The following LRRC71 variants were observed in gnomAD, a reference collection of about 807,000 sequenced individuals.
LRRC71 encodes the protein leucine rich repeat containing 71.
In LRRC71, 54 loss-of-function variants were observed where a neutral mutation model predicts 66.6. The ratio of observed to expected loss-of-function variants is 0.81; its 90% CI spans 0.65 to 1.02. The LOEUF is 1.02. Ranked by LOEUF, LRRC71 falls within the 50% of genes least tolerant of loss-of-function variation. LRRC71 has a pLI of 0.00. For missense variants in LRRC71, 724 were observed against 718.0 expected, an observed-to-expected ratio of 1.01 and a Z score of -0.10; for synonymous variants, 323 against 303.9, an observed-to-expected ratio of 1.06 and a Z score of -0.65.
intron 13 of LRRC71, 102 bp downstream of exon 13, chr1:156,932,129 C>G: frequency 1.0e-6 from 1 of 958,948 alleles, no homozygotes; most frequent in Non-Finnish European, 1.6e-6. Flanking sequence ...GCTGGTCCTC[C>G]CATCTTTGGG....
In LRRC71 at chr1:156,923,932, C is replaced by G; in HGVS notation, c.161-17C>G. On this transcript the variant is annotated splice_polypyrimidine_tract_variant and intron_variant, in intron 1 of 14. Coordinates refer to ENST00000337428, the MANE Select transcript of LRRC71 (RefSeq NM_144702.3). ...TGGGCGTGGCCCCTTCTCTCACGCC[C>G]CTGCCTGCCCCCGCAGAGGAGTACC... 2.0e-6 allele frequency: 3 copies of G among 1,464,592 alleles called. No individual in the cohort carries two copies. Among genetic ancestry groups the G allele is most frequent in the Non-Finnish European group, 1.8e-6 (2 of 1,103,348 alleles). 90.7% of individuals were successfully genotyped at this position (1,464,592 alleles called of 1,614,324 possible). A position where few individuals can be genotyped will look rare whatever the true frequency, so the allele number is the denominator to read the frequency against.
In LRRC71 at chr1:156,930,044, C is replaced by CTT. The variant is rs1553189668; in HGVS notation, c.1240+316_1240+317insTT. ...TCTTTTCTTTTCTTTTTCTTTCTTTCTCTTTCTTTCTTTCTTTTTCTTTCT... is the reference window on the plus strand; with the variant it reads ...TCTTTTCTTTTCTTTTTCTTTCTTTCTTTCTTTCTTTCTTTCTTTTTCTTTCT... On this transcript the variant is annotated intron_variant, in intron 11 of 14. Coordinates refer to ENST00000337428, the MANE Select transcript of LRRC71 (RefSeq NM_144702.3). Among the ~76,000 whole-genome samples, 98 of 127,960 alleles carry CTT rather than the reference C, an allele frequency of 7.7e-4. No individual in the cohort carries two copies. The East Asian group carries it at 0.016, about 21-fold the overall frequency. 83.9% of individuals were successfully genotyped at this position (127,960 alleles called of 152,430 possible).
Position 156,925,079 on chromosome 1 carries a change from C to G in LRRC71, c.593+64C>G, listed in dbSNP as rs991142290. On this transcript the variant is annotated intron_variant, in intron 5 of 14. Coordinates refer to ENST00000337428, the MANE Select transcript of LRRC71 (RefSeq NM_144702.3). ...GGCTGGGCGGGTGGTCAGAGGGGAG[C>G]AGTGTGGGGATGGAAGTGGCAGGTC... 4.0e-5 allele frequency: 59 copies of G among 1,477,758 alleles called. 2 individuals carry two copies. In the South Asian group the frequency reaches 4.6e-4, roughly 12 times the overall value. 91.5% of individuals were successfully genotyped at this position (1,477,758 alleles called of 1,614,324 possible).
chr1:156,936,480 GAA>G (rs35863393), downstream of LRRC71, among the ~76,000 whole-genome samples: 138 of 47,998 alleles, frequency 2.9e-3, 2 homozygotes, highest in African/African-American at 0.011. Context: ...CAAATAAATA[GAA>G]AAAAAAAAAA....
intron 9 of LRRC71, among the ~76,000 whole-genome samples, chr1:156,928,452 C>A (rs1319946956): frequency 6.4e-5 from 4 of 62,678 alleles, no homozygotes; most frequent in African/African-American, 2.0e-4. Flanking sequence ...TCCTCCTCCT[C>A]TTCTTCTCCT....
rs746059341 is a variant in LRRC71 at position 156,932,989 on chromosome 1, C to T, written c.*20C>T. 6 of 1,537,320 alleles carry T rather than the reference C, an allele frequency of 3.9e-6. No individual in the cohort carries two copies. Among genetic ancestry groups the T allele is most frequent in the Non-Finnish European group, 5.3e-6 (6 of 1,134,738 alleles). Reference sequence around the variant, plus strand: ...CCCTAGCCCCCTCCCACCTGCTTGCCTCTAAGACTCGGGGCTACAGAAGCA... The same window carrying T: ...CCCTAGCCCCCTCCCACCTGCTTGCTTCTAAGACTCGGGGCTACAGAAGCA... On this transcript the variant is annotated 3_prime_UTR_variant, in exon 15 of 15. Coordinates refer to ENST00000337428, the MANE Select transcript of LRRC71 (RefSeq NM_144702.3).
In LRRC71 at chr1:156,924,562, G is replaced by T; in HGVS notation, c.439+10G>T. The T allele has an allele frequency of 1.3e-6, 2 of 1,551,196 alleles. No homozygotes were observed. Among genetic ancestry groups the T allele is most frequent in the Non-Finnish European group, 1.7e-6 (2 of 1,146,754 alleles). ...GAAATCTACATCCGCGGTGAGCCCC[G>T]CTCCCCCCACCCGCCCCAGCTCCCT... On this transcript the variant is annotated intron_variant, in intron 3 of 14. Transcript: ENST00000337428.
Position 156,920,775 on chromosome 1 carries a change from G to A in LRRC71, c.-29G>A, listed in dbSNP as rs1424290913. The A allele has an allele frequency of 2.0e-6, 3 of 1,484,878 alleles. No individual in the cohort carries two copies. Among genetic ancestry groups the A allele is most frequent in the Non-Finnish European group, 2.7e-6 (3 of 1,113,640 alleles). The allele number at this position is 1,484,878 out of a possible 1,614,324, so 92.0% of individuals were successfully genotyped here. A position where few individuals can be genotyped will look rare whatever the true frequency, so the allele number is the denominator to read the frequency against. Reference sequence around the variant, plus strand: ...TTCTTACCTTCCTGCCCCGACGAAGGTCCCAGAGACGCTGCGGACAACACC... The same window carrying A: ...TTCTTACCTTCCTGCCCCGACGAAGATCCCAGAGACGCTGCGGACAACACC... On this transcript the variant is annotated 5_prime_UTR_variant, in exon 1 of 15. Coordinates refer to ENST00000337428, the MANE Select transcript of LRRC71 (RefSeq NM_144702.3). The surrounding 1 kb of genome is among the most constrained non-coding windows in gnomAD (Gnocchi z 4.9).
rs751792085 is a variant in LRRC71 at position 156,924,045 on chromosome 1, G to GC, written c.262dup (p.His88ProfsTer29). 188 of 882,606 alleles carry GC rather than the reference G, an allele frequency of 2.1e-4. No homozygotes were observed. Among genetic ancestry groups the GC allele is most frequent in the Non-Finnish European group, 3.1e-4 (178 of 571,402 alleles). The allele number at this position is 882,606 out of a possible 1,614,324, so 54.7% of individuals were successfully genotyped here. A position where few individuals can be genotyped will look rare whatever the true frequency, so the allele number is the denominator to read the frequency against. ...TTCCCCAAAGTTGTCAACCGGCCCC[G>GC]CCCCCACCCGCCCTTCGTCCCCTCC... On this transcript the variant is annotated frameshift_variant, in exon 2 of 15. Transcript: ENST00000337428. LOFTEE classifies it high-confidence loss of function.
intron 2 of LRRC71, 37 bp from the exon 3 acceptor site, chr1:156,924,387 G>T: frequency 1.9e-6 from 3 of 1,539,748 alleles, no homozygotes; most frequent in Non-Finnish European, 1.8e-6. Context: ...GGCCCTGGAG[G>T]TGGCTGTTCC....
downstream of LRRC71, among the ~76,000 whole-genome samples, chr1:156,933,396 G>A (rs1298081930): frequency 6.6e-6 from 1 of 152,216 alleles, no homozygotes; most frequent in Non-Finnish European, 1.5e-5. Context: ...AGCTTGGGAG[G>A]GAGTGGGAGC....
Position 156,924,564 on chromosome 1 carries a change from T to TGCCCCCC in LRRC71, c.439+12_439+13insGCCCCCC. 1 of 1,531,816 alleles carries TGCCCCCC rather than the reference T, an allele frequency of 6.5e-7. No homozygotes were observed. 94.9% of individuals were successfully genotyped at this position (1,531,816 alleles called of 1,614,324 possible). ...AATCTACATCCGCGGTGAGCCCCGC[T>TGCCCCCC]CCCCCCACCCGCCCCAGCTCCCTCC... On this transcript the variant is annotated intron_variant, in intron 3 of 14. Transcript: ENST00000337428.
chr1:156,932,998 T>C lies in LRRC71; in HGVS notation c.*29T>C, dbSNP rs1391186536. 5 of 1,518,620 alleles carry C rather than the reference T, an allele frequency of 3.3e-6. No individual in the cohort carries two copies. The highest frequency in any genetic ancestry group is 2.0e-5 in the Admixed American group (1 of 50,582). 94.1% of individuals were successfully genotyped at this position (1,518,620 alleles called of 1,614,324 possible). ...CCTCCCACCTGCTTGCCTCTAAGAC[T>C]CGGGGCTACAGAAGCACCTCCTGTC... On this transcript the variant is annotated 3_prime_UTR_variant, in exon 15 of 15. Transcript: ENST00000337428.
rs779464369 is a variant in LRRC71 at position 156,927,222 on chromosome 1, A to G, written c.614A>G (p.Asn205Ser). 5 of 1,613,188 alleles carry G rather than the reference A, an allele frequency of 3.1e-6. No individual in the cohort carries two copies. The highest frequency in any genetic ancestry group is 3.3e-5 in the Admixed American group (2 of 59,958). ...STLRKVSLEG[N>S]PLPEQSYHKL... ...CTCAGGAAGGTGTCTCTGGAGGGGA[A>G]CCCACTGCCGGAGCAGTCCTATCAC... The change falls in exon 6 of 15, where the codon AAC becomes AGC. Residue 205 changes from asparagine (N) to serine (S), a missense_variant. Asn to Ser is a conservative substitution (Grantham distance 46). Transcript: ENST00000337428.
chr1:156,939,240 T>A, the LRRC71 span: 1 of 381,378 alleles, frequency 2.6e-6, no homozygotes, highest in Non-Finnish European at 4.8e-6. Context: ...CAGAGACTGG[T>A]ACTGGTAGTT....
downstream of LRRC71, chr1:156,937,423 G>A (rs761285774): frequency 9.5e-6 from 15 of 1,579,688 alleles, no homozygotes; most frequent in South Asian, 1.2e-5. Flanking sequence ...GCTGAGGGGG[G>A]CTCATGGGTG....
At chr1:156,936,018 G>A (rs756128477), downstream of LRRC71, 19 of 1,613,604 alleles carry the variant, frequency 1.2e-5, no homozygotes, top group African/African-American at 2.7e-5. Context: ...CTGGTGACGC[G>A]GCTGCGTCTG....
chr1:156,923,458 A>G (rs1032742079), intron 1 of LRRC71, among the ~76,000 whole-genome samples: 4 of 152,200 alleles, frequency 2.6e-5, no homozygotes, highest in East Asian at 3.8e-4. Flanking sequence ...ATATAAACAC[A>G]CTGGACAGGG....
chr1:156,933,351 G>A (rs822432), downstream of LRRC71, among the ~76,000 whole-genome samples: 43,957 of 152,088 alleles, frequency 0.29, 7,855 homozygotes, highest in African/African-American at 0.5. Flanking sequence ...GCATTCAGAA[G>A]GATTTGGGAT....
Sources: gnomAD v4.1 joint callset for allele counts (sites outside exome capture counted in the v4.1 genomes callset) on GRCh38, gnomAD v4.1.1 for gene constraint, Gnocchi (gnomAD v3.1) non-coding constraint, MANE v1.5 for transcripts, NCBI Gene and HGNC (gene_info 2026-07-23, HGNC 2026-07-21) for gene names.